Variants in RBM7 observed in about 807,000 individuals in gnomAD.
RBM7 encodes the protein RNA-binding protein 7.
In RBM7, 13 loss-of-function variants were observed where a neutral mutation model predicts 31.0. That is an observed-to-expected ratio of 0.42 (90% CI 0.27 to 0.67). The LOEUF is 0.67. Ranked by LOEUF, RBM7 falls within the 30% of genes least tolerant of loss-of-function variation. The pLI, the probability that RBM7 is intolerant of heterozygous loss-of-function variation, is 0.24. For missense variants in RBM7, 245 were observed against 326.2 expected, an observed-to-expected ratio of 0.75 and a Z score of 1.92; for synonymous variants, 106 against 111.2, an observed-to-expected ratio of 0.95 and a Z score of 0.30.
intron 4 of RBM7, 192 bp downstream of exon 4, chr11:114,405,991 A>C: frequency 2.0e-6 from 1 of 507,644 alleles, no homozygotes; most frequent in African/African-American, 2.0e-5. Context: ...CATGATTTGT[A>C]GATTGAGCAC....
chr11:114,406,542 C>G (rs1946267729), intron 4 of RBM7: 1 of 152,152 alleles, frequency 6.6e-6, no homozygotes, highest in South Asian at 2.1e-4. Context: ...AATTATGCCC[C>G]CATTTTCCCC....
Position 114,402,883 on chromosome 11 carries a change from A to T in RBM7, c.315A>T (p.Gly105=), listed in dbSNP as rs1946223308. 2 of 1,613,064 alleles carry T rather than the reference A, an allele frequency of 1.2e-6. No homozygotes were observed. Among genetic ancestry groups the T allele is most frequent in the Non-Finnish European group, 1.7e-6 (2 of 1,179,004 alleles). The part of the protein sequence containing the change: ...VSLSYPQHHV[G]NSSPTSTSPS... Reference sequence around the variant, plus strand: ...TGTCATATCCCCAACATCATGTTGGAAATTCAAGCCCTACCTCCACATCTC... The same window carrying T: ...TGTCATATCCCCAACATCATGTTGGTAATTCAAGCCCTACCTCCACATCTC... The change falls in exon 3 of 5, where the codon GGA becomes GGT. Residue 105 remains glycine (G), a synonymous_variant. Transcript: ENST00000375490.
In RBM7 at chr11:114,410,010, G is replaced by A. The variant is rs887748116; in HGVS notation, c.*2203G>A. The A allele has an allele frequency of 3.9e-5, 6 of 152,118 alleles. No individual in the cohort carries two copies. Among genetic ancestry groups the A allele is most frequent in the Non-Finnish European group, 4.4e-5 (3 of 68,038 alleles). The allele number at this position is 152,118 out of a possible 1,614,324, so 9.4% of individuals were successfully genotyped here. On this transcript the variant is annotated 3_prime_UTR_variant, in exon 5 of 5. Coordinates refer to ENST00000375490, the MANE Select transcript of RBM7 (RefSeq NM_001286045.2). ...CTTGCCAGTTGAGCATCCCAGGTCC[G>A]GAAATCCACAGTGCTCCAATGAGCC...
intron 4 of RBM7, chr11:114,406,010 G>A (rs558550171): frequency 4.3e-6 from 2 of 466,430 alleles, no homozygotes; most frequent in African/African-American, 4.1e-5. Context: ...ACTCATTTTA[G>A]TTTTCACTGG....
chr11:114,406,584 TTAA>T (rs1178659282), intron 4 of RBM7: 1 of 152,146 alleles, frequency 6.6e-6, no homozygotes, highest in East Asian at 1.9e-4. Context: ...CATTTCAGAA[TTAA>T]TATTACAATT....
intron 4 of RBM7, chr11:114,406,524 G>C (rs778906369): frequency 6.6e-6 from 1 of 152,070 alleles, no homozygotes; most frequent in Non-Finnish European, 1.5e-5. Flanking sequence ...GGAACCACCG[G>C]TCTAGTCAAT....
rs1946323964 is a variant in RBM7 at position 114,410,574 on chromosome 11, T to C, written c.*2767T>C. ...CTTAAGAATTGAAGATGTAAATCTGTCACTCGCCTGAATAAAGCTTCAGTG... is the reference window on the plus strand; with the variant it reads ...CTTAAGAATTGAAGATGTAAATCTGCCACTCGCCTGAATAAAGCTTCAGTG... On this transcript the variant is annotated 3_prime_UTR_variant, in exon 5 of 5. Transcript: ENST00000375490. 6.6e-6 allele frequency: 1 copy of C among 152,228 alleles called. No individual in the cohort carries two copies. Among genetic ancestry groups the C allele is most frequent in the Non-Finnish European group, 1.5e-5 (1 of 68,038 alleles). The allele number at this position is 152,228 out of a possible 1,614,324, so 9.4% of individuals were successfully genotyped here. A position where few individuals can be genotyped will look rare whatever the true frequency, so the allele number is the denominator to read the frequency against.
chr11:114,407,564 C>CGGG lies in RBM7; in HGVS notation c.561_562insGGG (p.Ser187_Ser188insGly). The stretch of plus-strand genomic sequence containing the variant: ...GTCATAGTTTCAATCAGTCTTCAAG[C>CGGG]TCCCAGTGGCGCCAAGGTACACCAT... On this transcript the variant is annotated inframe_insertion, in exon 5 of 5. Transcript: ENST00000375490. The CGGG allele has an allele frequency of 6.2e-7, 1 of 1,614,186 alleles. No individual in the cohort carries two copies. Among genetic ancestry groups the CGGG allele is most frequent in the African/African-American group, 1.3e-5 (1 of 75,048 alleles).
Position 114,407,820 on chromosome 11 carries a change from G to A in RBM7, c.*13G>A, listed in dbSNP as rs1334421726. 2.5e-6 allele frequency: 4 copies of A among 1,582,042 alleles called. No individual in the cohort carries two copies. The highest frequency in any genetic ancestry group is 4.5e-5 in the East Asian group (2 of 44,550). On this transcript the variant is annotated 3_prime_UTR_variant, in exon 5 of 5. Transcript: ENST00000375490. ...ATCTCGACACTAACACATGTTAAAAGGACATTGTTTTTATAGGGTCATTTT... is the reference window on the plus strand; with the variant it reads ...ATCTCGACACTAACACATGTTAAAAAGACATTGTTTTTATAGGGTCATTTT...
chr11:114,403,053 G>A (rs1020680289), intron 3 of RBM7, 138 bp downstream of exon 3: 8 of 753,856 alleles, frequency 1.1e-5, no homozygotes, highest in Middle Eastern at 3.6e-4. Context: ...TTTTGGGGTT[G>A]TTGTTATGTA....
In RBM7 at chr11:114,405,413, C is replaced by G. The variant is rs535086812; in HGVS notation, c.348-293C>G. On this transcript the variant is annotated intron_variant, in intron 3 of 4. Coordinates refer to ENST00000375490, the MANE Select transcript of RBM7 (RefSeq NM_001286045.2). ...TGGGAAGTTTTTGCCTCTAGGTAAC[C>G]TTGGTGTTCAGTTCTAACTACAAAT... is the stretch of plus-strand genomic sequence containing the variant. Among the ~76,000 whole-genome samples the G allele has an allele frequency of 3.0e-4, 45 of 152,252 alleles. 1 individual carries two copies. In the South Asian group the frequency reaches 8.9e-3, roughly 30 times the overall value.
chr11:114,407,413 G>A (rs748152623), intron 4 of RBM7, 32 bp from the exon 5 acceptor site: 1 of 1,577,666 alleles, frequency 6.3e-7, no homozygotes, highest in Non-Finnish European at 8.6e-7. Flanking sequence ...ATATCTAGAA[G>A]TATTAACATT....
rs1946296693 is a variant in RBM7, at chr11:114,408,431, T to C, written c.*624T>C. On this transcript the variant is annotated 3_prime_UTR_variant, in exon 5 of 5. Coordinates refer to ENST00000375490, the MANE Select transcript of RBM7 (RefSeq NM_001286045.2). Reference sequence around the variant, plus strand: ...TGTTCATTAAATCCCATTTGAGGTATAAGTCACTCAGGAAGTTAAAATATC... The same window carrying C: ...TGTTCATTAAATCCCATTTGAGGTACAAGTCACTCAGGAAGTTAAAATATC... The C allele has an allele frequency of 6.5e-6, 1 of 152,804 alleles. No homozygotes were observed. The highest frequency in any genetic ancestry group is 1.5e-5 in the Non-Finnish European group (1 of 68,048). 9.5% of individuals were successfully genotyped at this position (152,804 alleles called of 1,614,324 possible).
chr11:114,403,130 A>G (rs1946226383), intron 3 of RBM7, among the ~76,000 whole-genome samples: 1 of 152,216 alleles, frequency 6.6e-6, no homozygotes, highest in African/African-American at 2.4e-5. Context: ...TCCCCTTAGA[A>G]TAGATACGTA....
In RBM7 at chr11:114,410,446, C is replaced by T. The variant is rs1015880003; in HGVS notation, c.*2639C>T. The T allele has an allele frequency of 1.3e-5, 2 of 152,182 alleles. No homozygotes were observed. Among genetic ancestry groups the T allele is most frequent in the Non-Finnish European group, 2.9e-5 (2 of 68,026 alleles). The allele number at this position is 152,182 out of a possible 1,614,324, so 9.4% of individuals were successfully genotyped here. A position where few individuals can be genotyped will look rare whatever the true frequency, so the allele number is the denominator to read the frequency against. ...TGTGTGCCCACTTTCCCCATACCTA[C>T]TGCTACCATCTTAGAGTAGGCAATT... On this transcript the variant is annotated 3_prime_UTR_variant, in exon 5 of 5. Coordinates refer to ENST00000375490, the MANE Select transcript of RBM7 (RefSeq NM_001286045.2).
chr11:114,407,910 G>A lies in RBM7; in HGVS notation c.*103G>A. The stretch of plus-strand genomic sequence containing the variant: ...AAAACTGTACAGAGCAGCTTTACAA[G>A]TTGTCACATTTCTTTATAAATTTTT... On this transcript the variant is annotated 3_prime_UTR_variant, in exon 5 of 5. Transcript: ENST00000375490. 1 of 1,305,008 alleles carries A rather than the reference G, an allele frequency of 7.7e-7. No individual in the cohort carries two copies. Among genetic ancestry groups the A allele is most frequent in the African/African-American group, 1.5e-5 (1 of 67,368 alleles). 80.8% of individuals were successfully genotyped at this position (1,305,008 alleles called of 1,614,324 possible). A position where few individuals can be genotyped will look rare whatever the true frequency, so the allele number is the denominator to read the frequency against.
At position 114,407,544 on chromosome 11, in the gene RBM7, A is replaced by G. The variant is rs1361017270; in HGVS notation, c.541A>G (p.Ser181Gly). ...ACCATCAGTTCAATCACACAGTCAT[A>G]GTTTCAATCAGTCTTCAAGCTCCCA... ...FSPSVQSHSH[S>G]FNQSSSSQWR... is the part of the protein sequence containing the mutation. Residue 181 changes from serine (S) to glycine (G), a missense_variant, in exon 5 of 5, where the codon AGT becomes GGT. Physicochemically the swap from Ser to Gly is moderately conservative, Grantham distance 56 (BLOSUM62 0). Coordinates refer to ENST00000375490, the MANE Select transcript of RBM7 (RefSeq NM_001286045.2). 1 of 1,614,234 alleles carries G rather than the reference A, an allele frequency of 6.2e-7. No homozygotes were observed. The highest frequency in any genetic ancestry group is 1.1e-5 in the South Asian group (1 of 91,092).
In RBM7 at chr11:114,409,067, A is replaced by G. The variant is rs1049235352; in HGVS notation, c.*1260A>G. ...AATACATCTTTTGTACATATAGAGC[A>G]TGATGTTTCACAATCAGATTTTCAG... On this transcript the variant is annotated 3_prime_UTR_variant, in exon 5 of 5. Transcript: ENST00000375490. 1.3e-5 allele frequency: 2 copies of G among 152,218 alleles called. No homozygotes were observed. The highest frequency in any genetic ancestry group is 2.4e-5 in the African/African-American group (1 of 41,444). 9.4% of individuals were successfully genotyped at this position (152,218 alleles called of 1,614,324 possible).
At chr11:114,402,021 C>T (rs1470827222) in intron 2 of RBM7, 161 bp downstream of exon 2, 1 of 624,910 alleles carries the variant, frequency 1.6e-6, no homozygotes, top group Non-Finnish European at 2.5e-6. Flanking sequence ...AAACGGGTAA[C>T]ATTGACACAT....
Sources: gnomAD v4.1 joint callset for allele counts (sites outside exome capture counted in the v4.1 genomes callset) on GRCh38, gnomAD v4.1.1 for gene constraint, MANE v1.5 for transcripts, NCBI Gene and HGNC (gene_info 2026-07-23, HGNC 2026-07-21) for gene names.